Variants in KIAA1328 observed in about 807,000 individuals in gnomAD.
KIAA1328 encodes the protein KIAA1328.
In KIAA1328, 52 loss-of-function variants were observed where a neutral mutation model predicts 68.1. That is an observed-to-expected ratio of 0.76 (90% CI 0.61 to 0.96). The LOEUF is 0.96. Ranked by LOEUF, KIAA1328 falls within the 40% of genes least tolerant of loss-of-function variation. The pLI is 0.00. For missense variants in KIAA1328, 641 were observed against 677.6 expected (o/e 0.95, Z 0.60); for synonymous variants, 232 against 239.4 (o/e 0.97, Z 0.28).
At chr18:37,116,992 A>G (rs1274658440) in intron 7 of KIAA1328, among the ~76,000 whole-genome samples, 1 of 152,252 alleles carries the variant, frequency 6.6e-6, no homozygotes, top group Non-Finnish European at 1.5e-5. Context: ...AATGGTGATC[A>G]TTAAAAAGTC....
chr18:37,003,973 CT>C (rs1281883863), intron 6 of KIAA1328, among the ~76,000 whole-genome samples: 1 of 152,026 alleles, frequency 6.6e-6, no homozygotes, highest in Non-Finnish European at 1.5e-5. Context: ...GTAGCATGCT[CT>C]TTTGGTGACT....
intron 6 of KIAA1328, among the ~76,000 whole-genome samples, chr18:37,058,550 T>G (rs1216949816): frequency 6.6e-6 from 1 of 151,752 alleles, no homozygotes; most frequent in Non-Finnish European, 1.5e-5. Context: ...CTGTCTCTAC[T>G]AAAATACAAA....
intron 7 of KIAA1328, among the ~76,000 whole-genome samples, chr18:37,134,300 T>G (rs1170450111): frequency 6.6e-6 from 1 of 152,158 alleles, no homozygotes; most frequent in Non-Finnish European, 1.5e-5. Flanking sequence ...CGTGAGCCAC[T>G]GCGCCTGGCT....
intron 6 of KIAA1328, among the ~76,000 whole-genome samples, chr18:37,064,993 T>C (rs1471439246): frequency 6.6e-6 from 1 of 152,222 alleles, no homozygotes; most frequent in African/African-American, 2.4e-5. Context: ...TAAGTTGTTA[T>C]AGCCACAGTA....
chr18:37,008,113 A>T (rs1391512420), intron 6 of KIAA1328, among the ~76,000 whole-genome samples: 2 of 152,158 alleles, frequency 1.3e-5, no homozygotes, highest in Non-Finnish European at 2.9e-5. Context: ...ACCAGCTTTA[A>T]CCTAAGACAG....
Position 36,970,083 on chromosome 18 carries a change from A to G in KIAA1328, c.576+10648A>G, listed in dbSNP as rs541579571. On this transcript the variant is annotated intron_variant, in intron 6 of 9. Coordinates refer to ENST00000280020, the MANE Select transcript of KIAA1328 (RefSeq NM_020776.3). ...ATAAAATACTGGCACACCAAATCCA[A>G]TAGCACATTAAAAAGCTTGTCCATC... is the stretch of plus-strand genomic sequence containing the variant. Among the ~76,000 whole-genome samples, 79 of 152,316 alleles carry G rather than the reference A, an allele frequency of 5.2e-4. No homozygotes were observed. In the Middle Eastern group the frequency reaches 0.014, roughly 26 times the overall value.
At chr18:36,978,074 C>T (rs72888977) in intron 6 of KIAA1328, among the ~76,000 whole-genome samples, 3,149 of 152,080 alleles carry the variant, frequency 0.021, 47 homozygotes, top group African/African-American at 0.034. Flanking sequence ...AGAGCCACCG[C>T]GCCTGGCCAA....
intron 3 of KIAA1328, among the ~76,000 whole-genome samples, chr18:36,836,736 C>G (rs762571335): frequency 6.6e-6 from 1 of 151,996 alleles, no homozygotes; most frequent in Non-Finnish European, 1.5e-5. Context: ...AATCTAGTTT[C>G]GAAACATTTT....
At chr18:36,980,622 C>T (rs2052645951) in intron 6 of KIAA1328, among the ~76,000 whole-genome samples, 1 of 152,078 alleles carries the variant, frequency 6.6e-6, no homozygotes, top group Non-Finnish European at 1.5e-5. Flanking sequence ...ATGAGAAGTA[C>T]AATTATTCTG....
At chr18:37,022,129 A>T (rs535332738) in intron 6 of KIAA1328, among the ~76,000 whole-genome samples, 1 of 152,260 alleles carries the variant, frequency 6.6e-6, no homozygotes, top group African/African-American at 2.4e-5. Context: ...ACCTGGCAGG[A>T]ACCTTAGCAT....
At position 36,829,171 on chromosome 18, in the gene KIAA1328, T is replaced by G. The variant is rs1387133116; in HGVS notation, c.33T>G (p.Ser11Arg). The change falls in exon 1 of 10, where the codon AGT becomes AGG. Residue 11 changes from serine (S) to arginine (R), a missense_variant. Coordinates refer to ENST00000280020, the MANE Select transcript of KIAA1328 (RefSeq NM_020776.3). Reference protein sequence around the residue: MADVAGPSRPSAAAFWSRDFS... With the variant: MADVAGPSRPRAAAFWSRDFS... Reference sequence around the variant, plus strand: ...ACGTGGCGGGCCCCTCCCGCCCCAGTGCCGCGGCGTTCTGGAGCCGGGACT... The same window carrying G: ...ACGTGGCGGGCCCCTCCCGCCCCAGGGCCGCGGCGTTCTGGAGCCGGGACT... 5 of 1,532,542 alleles carry G rather than the reference T, an allele frequency of 3.3e-6. No individual in the cohort carries two copies. Among genetic ancestry groups the G allele is most frequent in the Non-Finnish European group, 3.5e-6 (4 of 1,142,296 alleles). 94.9% of individuals were successfully genotyped at this position (1,532,542 alleles called of 1,614,324 possible).
chr18:37,157,793 G>T lies in KIAA1328; in HGVS notation c.1233-2407G>T, dbSNP rs968319686. 1.9e-4 allele frequency among the ~76,000 whole-genome samples: 24 copies of T among 124,186 alleles called. No homozygotes were observed. In the East Asian group the frequency reaches 5.0e-3, roughly 26 times the overall value. The allele number at this position is 124,186 out of a possible 152,430, so 81.5% of individuals were successfully genotyped here. A position where few individuals can be genotyped will look rare whatever the true frequency, so the allele number is the denominator to read the frequency against. On this transcript the variant is annotated intron_variant, in intron 7 of 9. Transcript: ENST00000280020. ...ACTGCACTCCAGCCCGGGCAACAGAGTGAGACTCCTCTCCAAAAAAAAAAA... is the reference window on the plus strand; with the variant it reads ...ACTGCACTCCAGCCCGGGCAACAGATTGAGACTCCTCTCCAAAAAAAAAAA...
At chr18:37,001,122 C>A (rs113420194) in intron 6 of KIAA1328, among the ~76,000 whole-genome samples, 2,637 of 151,546 alleles carry the variant, frequency 0.017, 34 homozygotes, top group Middle Eastern at 0.041. Context: ...TGATAAACTG[C>A]TAACTACATT....
chr18:36,913,101 C>G (rs764438266), intron 5 of KIAA1328, among the ~76,000 whole-genome samples: 2 of 152,144 alleles, frequency 1.3e-5, no homozygotes, highest in African/African-American at 2.4e-5. Flanking sequence ...GTTTCATCAG[C>G]CTGTTTCCTG....
At chr18:36,889,201 T>C (rs1469357050) in intron 5 of KIAA1328, among the ~76,000 whole-genome samples, 2 of 152,210 alleles carry the variant, frequency 1.3e-5, no homozygotes, top group African/African-American at 4.8e-5. Flanking sequence ...ACCATGTAAA[T>C]GAATGTGCCA....
chr18:37,011,271 A>AT (rs1405336477), intron 6 of KIAA1328, among the ~76,000 whole-genome samples: 1 of 152,014 alleles, frequency 6.6e-6, no homozygotes, highest in Admixed American at 6.6e-5. Context: ...TGAACTCTTG[A>AT]TTTTCCTCCC....
intron 9 of KIAA1328, among the ~76,000 whole-genome samples, chr18:37,212,238 G>T (rs570460272): frequency 6.6e-6 from 1 of 152,296 alleles, no homozygotes; most frequent in South Asian, 2.1e-4. Flanking sequence ...ATTGAACATA[G>T]AAACCATTGT....
chr18:36,913,475 A>T (rs1193552683), intron 5 of KIAA1328, among the ~76,000 whole-genome samples: 1 of 112,818 alleles, frequency 8.9e-6, no homozygotes, highest in Non-Finnish European at 1.8e-5. Context: ...GGCAATTACA[A>T]CCTTACACAC....
At chr18:37,150,358 C>T (rs323286) in intron 7 of KIAA1328, among the ~76,000 whole-genome samples, 40,081 of 151,954 alleles carry the variant, frequency 0.26, 8,249 homozygotes, top group African/African-American at 0.58. Flanking sequence ...ATAGCATCCC[C>T]GAGTTGTGAC....
Sources: gnomAD v4.1 joint callset for allele counts (sites outside exome capture counted in the v4.1 genomes callset) on GRCh38, gnomAD v4.1.1 for gene constraint, MANE v1.5 for transcripts, NCBI Gene and HGNC (gene_info 2026-07-23, HGNC 2026-07-21) for gene names.